Variants in ZNF208 observed in about 807,000 individuals in gnomAD.
ZNF208 encodes zinc finger protein 208, also known as zinc finger protein 95.
Under a neutral mutation model 12.1 loss-of-function variants are expected in ZNF208, and 10 were observed. The ratio of observed to expected loss-of-function variants is 0.83; its 90% CI spans 0.51 to 1.40. ZNF208 has a LOEUF of 1.40. Ranked by LOEUF, ZNF208 falls within the 40% of genes most tolerant of loss-of-function variation. The pLI is 0.00. For synonymous variants in ZNF208, 497 were observed against 488.4 expected (o/e 1.02, Z -0.23); for missense variants, 1,652 against 1,485.0 (o/e 1.11, Z -1.85).
chr19:21,995,136 G>A (rs1187507836), intron 1 of ZNF208, among the ~76,000 whole-genome samples: 3 of 151,958 alleles, frequency 2.0e-5, no homozygotes, highest in Admixed American at 2.0e-4. Context: ...ATTTTTAGTA[G>A]AGATGGGATT....
chr19:21,997,490 C>T (rs527683544), intron 1 of ZNF208, among the ~76,000 whole-genome samples: 65 of 152,116 alleles, frequency 4.3e-4, no homozygotes, highest in Non-Finnish European at 8.2e-4. Context: ...TCCCTGAGCA[C>T]TGGGCTAGAG....
intron 1 of ZNF208, among the ~76,000 whole-genome samples, chr19:21,994,597 AT>A (rs1274380240): frequency 6.6e-6 from 1 of 152,132 alleles, no homozygotes; most frequent in Non-Finnish European, 1.5e-5. Context: ...AGTTTGTATA[AT>A]TTTAATCTTT....
intron 1 of ZNF208, among the ~76,000 whole-genome samples, chr19:21,989,713 T>C (rs923777489): frequency 6.6e-6 from 1 of 152,152 alleles, no homozygotes; most frequent in African/African-American, 2.4e-5. Context: ...TGTAAAAGTG[T>C]TCCTATTTCT....
intron 1 of ZNF208, among the ~76,000 whole-genome samples, chr19:22,008,984 AG>A (rs1408566348): frequency 6.6e-6 from 1 of 152,158 alleles, no homozygotes; most frequent in East Asian, 1.9e-4. Flanking sequence ...TTCCCCAGAT[AG>A]TACTGAATCT....
chr19:21,992,243 A>G (rs1221360862), intron 1 of ZNF208, among the ~76,000 whole-genome samples: 1 of 152,248 alleles, frequency 6.6e-6, no homozygotes, highest in Non-Finnish European at 1.5e-5. Context: ...ATTAACATCA[A>G]CTACACTAGA....
chr19:21,994,061 G>A (rs1485201426), intron 1 of ZNF208, among the ~76,000 whole-genome samples: 1 of 152,068 alleles, frequency 6.6e-6, no homozygotes, highest in Non-Finnish European at 1.5e-5. Context: ...TTCTATTTCT[G>A]TTTAACTGTC....
intron 1 of ZNF208, among the ~76,000 whole-genome samples, chr19:21,995,676 T>C (rs1970822966): frequency 6.6e-6 from 1 of 152,142 alleles, no homozygotes; most frequent in Non-Finnish European, 1.5e-5. Context: ...GTTGGGTAAG[T>C]AGAAGGACAA....
chr19:21,947,200 C>T (rs1176917822), intron 4 of ZNF208, among the ~76,000 whole-genome samples: 1 of 152,128 alleles, frequency 6.6e-6, no homozygotes, highest in Non-Finnish European at 1.5e-5. Flanking sequence ...CACAGTAATA[C>T]AGTAATAAAC....
chr19:21,945,228 T>A (rs753842973), intron 4 of ZNF208, among the ~76,000 whole-genome samples: 1 of 152,182 alleles, frequency 6.6e-6, no homozygotes, highest in Non-Finnish European at 1.5e-5. Context: ...CTAGTTCCAG[T>A]CTTTGCTTTC....
At chr19:21,959,740 T>G (rs56058873) in intron 4 of ZNF208, among the ~76,000 whole-genome samples, 6 of 151,910 alleles carry the variant, frequency 3.9e-5, no homozygotes, top group African/African-American at 9.7e-5. Context: ...CACAAGAAAA[T>G]AGAATAAAAA....
At chr19:21,999,648 T>C (rs1415375405) in intron 1 of ZNF208, among the ~76,000 whole-genome samples, 9 of 152,028 alleles carry the variant, frequency 5.9e-5, no homozygotes, top group African/African-American at 9.7e-5. Context: ...CAAATTTGTG[T>C]CTACTTTAAA....
At chr19:21,962,820 T>G (rs1043890836), downstream of ZNF208, among the ~76,000 whole-genome samples, 1 of 152,106 alleles carries the variant, frequency 6.6e-6, no homozygotes, top group Non-Finnish European at 1.5e-5. Context: ...ATCGATTTGT[T>G]GATTTCAATT....
At chr19:21,977,543 G>A (rs1055270918) in intron 3 of ZNF208, among the ~76,000 whole-genome samples, 7 of 152,190 alleles carry the variant, frequency 4.6e-5, no homozygotes, top group African/African-American at 1.7e-4. Context: ...GTGCTCTCCA[G>A]CCCAGATACT....
Position 21,947,372 on chromosome 19 carries a change from A to G in ZNF208, c.306-14135T>C, listed in dbSNP as rs543925108. 9.2e-5 allele frequency among the ~76,000 whole-genome samples: 14 copies of G among 152,286 alleles called. No individual in the cohort carries two copies. In the South Asian group the frequency reaches 2.3e-3, roughly 25 times the overall value. On this transcript the variant is annotated intron_variant, in intron 4 of 4. Coordinates refer to the ZNF208 transcript ENST00000599916. ...TTTTGTTTGTTCTGGGGCATATGCTATAGGAACAGCCTATCAAAACCCAAA... is the reference window on the plus strand; with the variant it reads ...TTTTGTTTGTTCTGGGGCATATGCTGTAGGAACAGCCTATCAAAACCCAAA...
At position 21,957,203 on chromosome 19, in the gene ZNF208, C is replaced by A. The variant is rs566464788; in HGVS notation, c.305+17526G>T. Among the ~76,000 whole-genome samples, 263 of 152,210 alleles carry A rather than the reference C, an allele frequency of 1.7e-3. 1 individual carries two copies. The highest frequency in any genetic ancestry group is 6.0e-3 in the African/African-American group (248 of 41,544). On this transcript the variant is annotated intron_variant, in intron 4 of 4. Coordinates refer to the ZNF208 transcript ENST00000599916. Reference sequence around the variant, plus strand: ...TACAGGCATGCACCACCATGGCCAGCTAATTTTTGTATTTTTAGTAGAGAT... The same window carrying A: ...TACAGGCATGCACCACCATGGCCAGATAATTTTTGTATTTTTAGTAGAGAT...
chr19:21,957,050 G>C (rs1430205142), intron 4 of ZNF208, among the ~76,000 whole-genome samples: 2 of 150,794 alleles, frequency 1.3e-5, no homozygotes, highest in African/African-American at 4.9e-5. Context: ...TTCTATTTTT[G>C]TTTTCTTTTG....
chr19:21,974,115 G>T lies in ZNF208; in HGVS notation c.919C>A (p.His307Asn), dbSNP rs1231669129. 1.3e-6 allele frequency: 2 copies of T among 1,593,360 alleles called. No homozygotes were observed. Among genetic ancestry groups the T allele is most frequent in the Non-Finnish European group, 1.7e-6 (2 of 1,169,228 alleles). Residue 307 changes from histidine to asparagine, a missense_variant, in exon 4 of 4, where the codon CAT becomes AAT. Physicochemically the swap from His to Asn is moderately conservative, Grantham distance 68. Transcript: ENST00000397126. ...CATTTGTAGGGCTTCTCTCCAGCAT[G>T]AATTGCCTTATGTGTAGTAAGAGTC... Reference protein sequence around the residue: ...VSTLTTHKAIHAGEKPYKCKE... With the variant: ...VSTLTTHKAINAGEKPYKCKE...
rs1026855801 is a variant in ZNF208 at position 21,967,809 on chromosome 19, A to G, written c.*3382T>C. 2.0e-5 allele frequency: 3 copies of G among 152,194 alleles called. No homozygotes were observed. Among genetic ancestry groups the G allele is most frequent in the African/African-American group, 7.2e-5 (3 of 41,460 alleles). The allele number at this position is 152,194 out of a possible 1,614,324, so 9.4% of individuals were successfully genotyped here. On this transcript the variant is annotated 3_prime_UTR_variant, in exon 4 of 4. Coordinates refer to ENST00000397126, the MANE Select transcript of ZNF208 (RefSeq NM_007153.3). Reference sequence around the variant, plus strand: ...AATCGTCATGGATAGTCTGATAAAAATAGCACTTAATCTGTAGGTTGCTTT... The same window carrying G: ...AATCGTCATGGATAGTCTGATAAAAGTAGCACTTAATCTGTAGGTTGCTTT...
intron 3 of ZNF208, among the ~76,000 whole-genome samples, chr19:21,982,463 T>C (rs903499373): frequency 6.6e-6 from 1 of 151,294 alleles, no homozygotes; most frequent in East Asian, 2.0e-4. Flanking sequence ...TTCAATGCTA[T>C]CCCCATCAAG....
Sources: gnomAD v4.1 joint callset for allele counts (sites outside exome capture counted in the v4.1 genomes callset) on GRCh38, gnomAD v4.1.1 for gene constraint, MANE v1.5 for transcripts, NCBI Gene and HGNC (gene_info 2026-07-23, HGNC 2026-07-21) for gene names.